NLRP14: variants seen among roughly 807,000 people sequenced by gnomAD.
The protein encoded by NLRP14 is NACHT, LRR and PYD domains-containing protein 14.
NLRP14 carries 105 observed loss-of-function variants against 94.7 expected under a neutral mutation model. The observed-to-expected ratio is 1.11, with a 90% CI of 0.95 to 1.30. NLRP14 has a LOEUF of 1.30. Ranked by LOEUF, NLRP14 falls within the 50% of genes most tolerant of loss-of-function variation. The pLI, the probability that NLRP14 is intolerant of heterozygous loss-of-function variation, is 0.00. For missense variants in NLRP14, 1,362 were observed against 1,254.1 expected (o/e 1.09, Z -1.30); for synonymous variants, 508 against 459.9 (o/e 1.10, Z -1.34).
chr11:7,033,712 G>A (rs1176650778), intron 1 of NLRP14, among the ~76,000 whole-genome samples: 1 of 152,180 alleles, frequency 6.6e-6, no homozygotes, highest in Non-Finnish European at 1.5e-5. Flanking sequence ...AGGACAAGAG[G>A]TTTTAATTTC....
chr11:7,039,181 G>A (rs545179888), intron 2 of NLRP14, among the ~76,000 whole-genome samples: 59 of 152,214 alleles, frequency 3.9e-4, no homozygotes, highest in Middle Eastern at 3.4e-3. Flanking sequence ...AAAACTACAA[G>A]TTATAAGTTA....
chr11:7,076,730 T>C, the NLRP14 span, among the ~76,000 whole-genome samples: 1 of 152,146 alleles, frequency 6.6e-6, no homozygotes, highest in Admixed American at 6.5e-5. Context: ...TTATTTTATT[T>C]CCCATCGCTT....
chr11:7,076,454 G>T (rs987680657), downstream of NLRP14, among the ~76,000 whole-genome samples: 5 of 151,642 alleles, frequency 3.3e-5, no homozygotes, highest in African/African-American at 1.2e-4. Flanking sequence ...TCTTAAGTTG[G>T]ATTCTTCTGA....
Position 7,042,370 on chromosome 11 carries a change from T to G in NLRP14, c.362-18T>G. Reference sequence around the variant, plus strand: ...GTGTCTTTGTTTTTGTTTTTTTACCTTTGCCATTCTGACTTAGGTGATGGA... The same window carrying G: ...GTGTCTTTGTTTTTGTTTTTTTACCGTTGCCATTCTGACTTAGGTGATGGA... On this transcript the variant is annotated intron_variant, in intron 3 of 11. Coordinates refer to ENST00000299481, the MANE Select transcript of NLRP14 (RefSeq NM_176822.4). 1.2e-6 allele frequency: 2 copies of G among 1,610,358 alleles called. No individual in the cohort carries two copies. The highest frequency in any genetic ancestry group is 1.7e-6 in the Non-Finnish European group (2 of 1,177,532).
intron 10 of NLRP14, among the ~76,000 whole-genome samples, chr11:7,062,789 A>G (rs1396372568): frequency 2.0e-5 from 3 of 152,060 alleles, no homozygotes; most frequent in Non-Finnish European, 4.4e-5. Flanking sequence ...TCCTTCAGAT[A>G]GTCTACTTGT....
At position 7,060,032 on chromosome 11, in the gene NLRP14, T is replaced by C. The variant is rs770047604; in HGVS notation, c.2772T>C (p.Phe924=). 59 of 1,612,702 alleles carry C rather than the reference T, an allele frequency of 3.7e-5. No homozygotes were observed. The highest frequency in any genetic ancestry group is 4.7e-5 in the Non-Finnish European group (56 of 1,179,020). ...DNGVKLLCDV[F]RHPSCNLQDL... is the part of the protein sequence containing the mutation. ...GAGTGAAGCTTCTGTGTGATGTCTT[T>C]CGGCATCCAAGCTGTAATCTTCAGG... Residue 924 remains phenylalanine (F), a synonymous_variant, in exon 9 of 12, where the codon TTT becomes TTC. Transcript: ENST00000299481.
chr11:7,041,604 T>G (rs961920908), intron 3 of NLRP14, among the ~76,000 whole-genome samples: 3 of 152,214 alleles, frequency 2.0e-5, no homozygotes, highest in African/African-American at 7.2e-5. Flanking sequence ...GACACTTATG[T>G]GCACGGAAAT....
At chr11:7,067,006 G>T (rs1302140745) in intron 10 of NLRP14, among the ~76,000 whole-genome samples, 3 of 152,080 alleles carry the variant, frequency 2.0e-5, no homozygotes, top group Non-Finnish European at 4.4e-5. Context: ...AAGGTCAAGT[G>T]GTTGTAGGTG....
rs1236209348 is a variant in NLRP14, at chr11:7,043,693, T to TA, written c.1671dup (p.Ser558IlefsTer14). 9 of 1,613,940 alleles carry TA rather than the reference T, an allele frequency of 5.6e-6. No individual in the cohort carries two copies. Among genetic ancestry groups the TA allele is most frequent in the Admixed American group, 3.3e-5 (2 of 60,022 alleles). ...TTTAACTGTAAAATGTCACTGAAGA[T>TA]AAAATCAAAGTTACTTCAGTGTATG... On this transcript the variant is annotated frameshift_variant, in exon 4 of 12. Coordinates refer to ENST00000299481, the MANE Select transcript of NLRP14 (RefSeq NM_176822.4). LOFTEE classifies it high-confidence loss of function.
chr11:7,060,834 C>A (rs1291133858), intron 9 of NLRP14, among the ~76,000 whole-genome samples: 1 of 151,972 alleles, frequency 6.6e-6, no homozygotes, highest in African/African-American at 2.4e-5. Context: ...TTCAGAAATA[C>A]ATTTATCGAG....
In NLRP14 at chr11:7,071,305, C is replaced by T. The variant is rs1486434493; in HGVS notation, c.3279C>T (p.Phe1093=). The T allele has an allele frequency of 6.2e-7, 1 of 1,611,876 alleles. No homozygotes were observed. Among genetic ancestry groups the T allele is most frequent in the African/African-American group, 1.3e-5 (1 of 74,692 alleles). The part of the protein sequence containing the change: ...NEEDVSWWWC[F] ...AAGATGTGTCTTGGTGGTGGTGTTT[C>T]TGATTTGAAGAAACTGACATTCCTT... The change falls in exon 12 of 12, where the codon TTC becomes TTT. Residue 1093 remains phenylalanine, a synonymous_variant. Transcript: ENST00000299481.
chr11:7,059,226 T>C (rs1432833661), intron 8 of NLRP14, among the ~76,000 whole-genome samples: 1 of 150,804 alleles, frequency 6.6e-6, no homozygotes, highest in African/African-American at 2.4e-5. Flanking sequence ...ATATTACAAA[T>C]AATTTTCTTA....
chr11:7,043,123 G>T lies in NLRP14; in HGVS notation c.1097G>T (p.Cys366Phe), dbSNP rs1252118219. 1.9e-6 allele frequency: 3 copies of T among 1,614,044 alleles called. No individual in the cohort carries two copies. The highest frequency in any genetic ancestry group is 1.3e-5 in the African/African-American group (1 of 74,932). ...LKSNEMLFSM[C>F]QVPLVCWAAC... ...AGCAATGAGATGCTGTTTAGCATGT[G>T]CCAAGTCCCCCTAGTGTGCTGGGCC... The change falls in exon 4 of 12, where the codon TGC (cysteine) becomes TTC (phenylalanine). Residue 366 changes from cysteine to phenylalanine, a missense_variant. By Grantham distance (205) the Cys-to-Phe change is radical. Transcript: ENST00000299481.
intron 4 of NLRP14, 63 bp from the exon 5 acceptor site, chr11:7,046,605 G>C (rs1589864039): frequency 1.4e-6 from 2 of 1,462,376 alleles, no homozygotes; most frequent in East Asian, 4.5e-5. Context: ...ACTATCCTCT[G>C]AGAGTTGGCT....
rs186626632 is a variant in NLRP14, at chr11:7,024,532, C to T, written c.-22+3762C>T. Among the ~76,000 whole-genome samples, 545 of 152,216 alleles carry T rather than the reference C, an allele frequency of 3.6e-3. 4 individuals are homozygous for T. The highest frequency in any genetic ancestry group is 0.01 in the Middle Eastern group (3 of 294). On this transcript the variant is annotated intron_variant, in intron 1 of 11. Coordinates refer to ENST00000299481, the MANE Select transcript of NLRP14 (RefSeq NM_176822.4). ...CTGAAATCAAAATATCTTAGTAGTT[C>T]ACTTGCTGGCCATAAAGCACAACCT...
chr11:7,070,530 G>T (rs987533623), intron 11 of NLRP14, 74 bp downstream of exon 11: 55 of 1,037,316 alleles, frequency 5.3e-5, no homozygotes, highest in Non-Finnish European at 7.6e-5. Context: ...ATTAATACAG[G>T]CCTCAGAATC....
At chr11:7,088,435 TAGA>T in the NLRP14 span, among the ~76,000 whole-genome samples, 1 of 152,152 alleles carries the variant, frequency 6.6e-6, no homozygotes, top group African/African-American at 2.4e-5. Context: ...ATATAACAAT[TAGA>T]AGAAACATTT....
rs186331051 is a variant in NLRP14, at chr11:7,071,092, T to A, written c.3147-81T>A. 5 of 1,530,768 alleles carry A rather than the reference T, an allele frequency of 3.3e-6. No homozygotes were observed. The East Asian group carries it at 1.1e-4, about 34-fold the overall frequency. The allele number at this position is 1,530,768 out of a possible 1,614,324, so 94.8% of individuals were successfully genotyped here. On this transcript the variant is annotated intron_variant, in intron 11 of 11. Coordinates refer to ENST00000299481, the MANE Select transcript of NLRP14 (RefSeq NM_176822.4). Reference sequence around the variant, plus strand: ...TTTAACAGAACAGTTTTTTTTCTCCTGAAATAAATCCTTTACAGAGAAAGT... The same window carrying A: ...TTTAACAGAACAGTTTTTTTTCTCCAGAAATAAATCCTTTACAGAGAAAGT...
Position 7,052,208 on chromosome 11 carries a change from AG to A in NLRP14, c.2291+2373del, listed in dbSNP as rs1387437455. The stretch of plus-strand genomic sequence containing the variant: ...CTATTGGGGCTTTATAAGCAAGGTA[AG>A]GGAATGATTGTTGCTTCCACAAAAC... On this transcript the variant is annotated intron_variant, in intron 6 of 11. Coordinates refer to ENST00000299481, the MANE Select transcript of NLRP14 (RefSeq NM_176822.4). Among the ~76,000 whole-genome samples the A allele has an allele frequency of 2.0e-5, 3 of 152,334 alleles. No homozygotes were observed. The East Asian group carries it at 5.8e-4, about 29-fold the overall frequency.
Sources: allele counts gnomAD v4.1 joint callset (sites outside exome capture counted in the v4.1 genomes callset), GRCh38; gene constraint gnomAD v4.1.1; transcripts MANE v1.5; gene names NCBI Gene and HGNC (gene_info 2026-07-23, HGNC 2026-07-21).